The following KCNAB2 variants were observed in gnomAD, a reference collection of about 807,000 sequenced individuals.
KCNAB2 encodes potassium voltage-gated channel subfamily A regulatory beta subunit 2.
A neutral mutation model predicts 63.6 loss-of-function variants in KCNAB2; 29 were observed. That is an observed-to-expected ratio of 0.46 (90% CI 0.34 to 0.62). KCNAB2 has a LOEUF of 0.62. Among genes scored for constraint, KCNAB2 ranks in the 20% least tolerant of loss-of-function variants. The pLI is 0.01. For missense variants in KCNAB2, 359 were observed against 563.9 expected (o/e 0.64, Z 3.68); for synonymous variants, 222 against 224.2 (o/e 0.99, Z 0.09).
chr1:6,100,239 C>A lies in KCNAB2; in HGVS notation c.*1665C>A. ...GGGGCGAGGGGAGGAGGGGGATCAG[C>A]TTCTGCTATTACCGACCCCCCTTCA... On this transcript the variant is annotated 3_prime_UTR_variant, in exon 16 of 16. Transcript: ENST00000378083. 1.4e-6 allele frequency: 1 copy of A among 714,428 alleles called. No homozygotes were observed. Among genetic ancestry groups the A allele is most frequent in the Non-Finnish European group, 2.1e-6 (1 of 478,530 alleles). The allele number at this position is 714,428 out of a possible 1,614,324, so 44.3% of individuals were successfully genotyped here.
intron 13 of KCNAB2, chr1:6,095,986 G>T (rs1339762104): frequency 2.3e-6 from 1 of 433,926 alleles, no homozygotes. Flanking sequence ...TCCGAGATGG[G>T]GGCTGCAAAG....
In KCNAB2 at chr1:6,045,943, G is replaced by T; in HGVS notation, c.-267G>T. On this transcript the variant is annotated 5_prime_UTR_variant, in exon 1 of 16. Transcript: ENST00000378083. This position sits in a 1 kb window ranked among gnomAD's most constrained non-coding sequence, Gnocchi z 4.8. ...TGCACTTCCCGAGCTTTTAGGGGAA[G>T]AGGCACTCGTGAATAATTCAGCCTC... The T allele has an allele frequency of 1.0e-6, 1 of 985,448 alleles. No homozygotes were observed. The highest frequency in any genetic ancestry group is 1.2e-6 in the Non-Finnish European group (1 of 829,946). 61.0% of individuals were successfully genotyped at this position (985,448 alleles called of 1,614,324 possible).
chr1:6,095,217 G>A (rs1665516663), intron 11 of KCNAB2, 106 bp from the exon 12 acceptor site: 4 of 1,237,882 alleles, frequency 3.2e-6, no homozygotes, highest in Non-Finnish European at 3.4e-6. Context: ...GCAGCTGCTG[G>A]GCCAGCCTGC....
chr1:6,058,614 G>A (rs1327507004), intron 2 of KCNAB2, among the ~76,000 whole-genome samples: 1 of 152,240 alleles, frequency 6.6e-6, no homozygotes, highest in Non-Finnish European at 1.5e-5. Context: ...TTCCCACACA[G>A]CAGTCGCTGT....
chr1:6,057,718 C>A (rs781202351), intron 2 of KCNAB2, among the ~76,000 whole-genome samples: 1 of 152,158 alleles, frequency 6.6e-6, no homozygotes, highest in Admixed American at 6.5e-5. Flanking sequence ...TCCTTTTTGC[C>A]TCCCCCAGTT....
At chr1:6,066,496 CA>C (rs1662768007) in intron 2 of KCNAB2, among the ~76,000 whole-genome samples, 1 of 152,218 alleles carries the variant, frequency 6.6e-6, no homozygotes, top group Non-Finnish European at 1.5e-5. Context: ...TTCCCAGTTT[CA>C]GGGGGAGATG....
At chr1:6,081,740 A>T (rs904093620) in intron 4 of KCNAB2, among the ~76,000 whole-genome samples, 2 of 152,140 alleles carry the variant, frequency 1.3e-5, no homozygotes, top group Non-Finnish European at 2.9e-5. Flanking sequence ...TCTCCTTGTA[A>T]ATCACCAGTC....
At position 6,071,928 on chromosome 1, in the gene KCNAB2, G is replaced by C. The variant is rs560657624; in HGVS notation, c.219-827G>C. On this transcript the variant is annotated intron_variant, in intron 2 of 15. Transcript: ENST00000378083. The surrounding 1 kb of genome is among the most constrained non-coding windows in gnomAD (Gnocchi z 8.5). ...CGTAGGGCTCCCGGGAGGATCCGGG[G>C]ACAGGATGCCTGGGGACTGCCTGGC... 3.9e-5 allele frequency among the ~76,000 whole-genome samples: 6 copies of C among 152,288 alleles called. No individual in the cohort carries two copies. The highest frequency in any genetic ancestry group is 1.4e-4 in the African/African-American group (6 of 41,562).
chr1:6,099,756 C>T lies in KCNAB2; in HGVS notation c.*1182C>T. On this transcript the variant is annotated 3_prime_UTR_variant, in exon 16 of 16. Coordinates refer to ENST00000378083, the MANE Select transcript of KCNAB2 (RefSeq NM_001199862.2). ...CAATGTAGGAAAAGACCTCAGGGAA[C>T]CTCTCCCTGGAAAGACGGGCAGGGC... 2 of 1,457,444 alleles carry T rather than the reference C, an allele frequency of 1.4e-6. No individual in the cohort carries two copies. Among genetic ancestry groups the T allele is most frequent in the Admixed American group, 2.7e-5 (1 of 36,566 alleles). 90.3% of individuals were successfully genotyped at this position (1,457,444 alleles called of 1,614,324 possible).
chr1:6,041,708 GC>G, upstream of KCNAB2: 3 of 819,472 alleles, frequency 3.7e-6, no homozygotes, highest in Non-Finnish European at 2.0e-6. Flanking sequence ...ACTGGTGGGG[GC>G]CCGGGGGCAT....
At position 6,071,728 on chromosome 1, in the gene KCNAB2, C is replaced by A. The variant is rs1663205407; in HGVS notation, c.219-1027C>A. ...CCGCATAGGGCTCTGCTGCGTAGGA[C>A]TCCTGCGGCGAGGGCTCCCTCCTGC... On this transcript the variant is annotated intron_variant, in intron 2 of 15. Transcript: ENST00000378083. This position sits in a 1 kb window ranked among gnomAD's most constrained non-coding sequence, Gnocchi z 8.5. Among the ~76,000 whole-genome samples the A allele has an allele frequency of 6.6e-6, 1 of 151,876 alleles. No individual in the cohort carries two copies. The highest frequency in any genetic ancestry group is 6.6e-5 in the Admixed American group (1 of 15,260).
At position 6,035,118 on chromosome 1, in the gene KCNAB2, C is replaced by G. The variant is rs543582033; in HGVS notation, c.-53+324C>G. 3.9e-5 allele frequency among the ~76,000 whole-genome samples: 6 copies of G among 152,184 alleles called. No homozygotes were observed. The South Asian group carries it at 8.3e-4, about 21-fold the overall frequency. On this transcript the variant is annotated intron_variant, in intron 1 of 15. Transcript: ENST00000164247. The surrounding 1 kb of genome is among the most constrained non-coding windows in gnomAD (Gnocchi z 5.0). ...CGTGGGAGCATGCTCAGGCAGACCACGGTGGTCAGAAGTTGAATTCGGGCC... is the reference window on the plus strand; with the variant it reads ...CGTGGGAGCATGCTCAGGCAGACCAGGGTGGTCAGAAGTTGAATTCGGGCC...
At position 6,051,735 on chromosome 1, in the gene KCNAB2, C is replaced by T. The variant is rs968801038; in HGVS notation, c.199C>T (p.Arg67Cys). ...GLSLDGCTAQ[R>C]TGMKYRNLGK... ...TTCCCTGGACGGCTGCACCGCCCAG[C>T]GCACAGGCATGAAGTATCGGTAAGG... Residue 67 changes from arginine (R) to cysteine (C), a missense_variant, in exon 2 of 16, where the codon CGC becomes TGC. Arg to Cys is a radical substitution (Grantham distance 180). Coordinates refer to ENST00000378083, the MANE Select transcript of KCNAB2 (RefSeq NM_001199862.2). The T allele has an allele frequency of 2.4e-5, 37 of 1,533,074 alleles. 1 individual carries two copies. Among genetic ancestry groups the T allele is most frequent in the African/African-American group, 1.4e-4 (10 of 72,960 alleles). 95.0% of individuals were successfully genotyped at this position (1,533,074 alleles called of 1,614,324 possible).
intron 8 of KCNAB2, among the ~76,000 whole-genome samples, chr1:6,089,297 G>C (rs1226251495): frequency 6.6e-6 from 1 of 152,250 alleles, no homozygotes; most frequent in African/African-American, 2.4e-5. Flanking sequence ...ATCCAGGTTT[G>C]GCCCCACACT....
chr1:6,035,747 T>TCACA lies in KCNAB2; in HGVS notation c.-53+955_-53+956insCACA. ...GGCAGGAAATAAACAGCTCTGGGGT[T>TCACA]CAGGGGAGTGGTAGAGGGGGTGGGG... On this transcript the variant is annotated intron_variant, in intron 1 of 15. Transcript: ENST00000164247. This position sits in a 1 kb window ranked among gnomAD's most constrained non-coding sequence, Gnocchi z 5.0. 6.6e-6 allele frequency among the ~76,000 whole-genome samples: 1 copy of TCACA among 151,438 alleles called. No homozygotes were observed. The highest frequency in any genetic ancestry group is 1.5e-5 in the Non-Finnish European group (1 of 67,914).
rs1017756294 is a variant in KCNAB2, at chr1:6,096,349, C to A, written c.949-287C>A. ...GCCAAGTTTCCTAAGAGAAGGAAGG[C>A]CAGCACCTCGCCTCCTTGTCCTGAC... is the stretch of plus-strand genomic sequence containing the variant. On this transcript the variant is annotated intron_variant, in intron 13 of 15. Transcript: ENST00000378083. The surrounding 1 kb of genome is among the most constrained non-coding windows in gnomAD (Gnocchi z 5.9). 2.0e-6 allele frequency: 1 copy of A among 499,074 alleles called. No homozygotes were observed. The highest frequency in any genetic ancestry group is 3.7e-6 in the Non-Finnish European group (1 of 272,894). 30.9% of individuals were successfully genotyped at this position (499,074 alleles called of 1,614,324 possible). A position where few individuals can be genotyped will look rare whatever the true frequency, so the allele number is the denominator to read the frequency against.
chr1:6,082,951 C>T (rs561192439), intron 5 of KCNAB2, among the ~76,000 whole-genome samples: 4 of 152,312 alleles, frequency 2.6e-5, no homozygotes, highest in East Asian at 1.9e-4. Context: ...CTGCTTGGCC[C>T]GCAGCTGCTT....
At chr1:6,015,873 T>G (rs1381826907) in intron 1 of KCNAB2, among the ~76,000 whole-genome samples, 1 of 152,038 alleles carries the variant, frequency 6.6e-6, no homozygotes, top group Non-Finnish European at 1.5e-5. Flanking sequence ...CCTGGCTAAT[T>G]TTTGTATTTT....
At chr1:6,027,100 G>C (rs1374246103) in intron 1 of KCNAB2, among the ~76,000 whole-genome samples, 1 of 152,172 alleles carries the variant, frequency 6.6e-6, no homozygotes, top group East Asian at 1.9e-4. Context: ...AGGGCAAGGG[G>C]CTCCCTGGTG....
Sources: gnomAD v4.1 joint callset for allele counts (sites outside exome capture counted in the v4.1 genomes callset) on GRCh38, gnomAD v4.1.1 for gene constraint, Gnocchi (gnomAD v3.1) non-coding constraint, MANE v1.5 for transcripts, NCBI Gene and HGNC (gene_info 2026-07-23, HGNC 2026-07-21) for gene names.